DPH6: variants seen among roughly 807,000 people sequenced by gnomAD.
DPH6 encodes diphthine--ammonia ligase.
In DPH6, 33 loss-of-function variants were observed where a neutral mutation model predicts 38.2. The observed-to-expected ratio is 0.86, with a 90% CI of 0.65 to 1.15. DPH6 has a LOEUF of 1.15. Among genes scored for constraint, DPH6 ranks in the 50% most tolerant of loss-of-function variants. The pLI is 0.00. For missense variants in DPH6, 325 were observed against 320.0 expected (o/e 1.02, Z -0.12); for synonymous variants, 108 against 103.0 (o/e 1.05, Z -0.30).
At chr15:35,298,058 G>T (rs562975844) in intron 3 of DPH6, among the ~76,000 whole-genome samples, 15 of 150,548 alleles carry the variant, frequency 1.0e-4, no homozygotes, top group Non-Finnish European at 2.1e-4. Flanking sequence ...TGTTTTTTTT[G>T]TAAACGGATT....
intron 5 of DPH6, among the ~76,000 whole-genome samples, chr15:35,434,728 T>C (rs545074280): frequency 6.6e-6 from 1 of 152,266 alleles, no homozygotes; most frequent in East Asian, 1.9e-4. Context: ...TGAAAAAATA[T>C]ATAATTAAGA....
intron 3 of DPH6, among the ~76,000 whole-genome samples, chr15:35,256,570 C>T (rs1248167001): frequency 2.6e-5 from 4 of 152,156 alleles, no homozygotes; most frequent in African/African-American, 4.8e-5. Flanking sequence ...TGTAAATCAT[C>T]AGCAACAATC....
At chr15:35,357,052 G>A (rs535798365) in intron 3 of DPH6, among the ~76,000 whole-genome samples, 10 of 152,290 alleles carry the variant, frequency 6.6e-5, no homozygotes, top group Non-Finnish European at 1.3e-4. Flanking sequence ...AGCAATGAGC[G>A]AGGCTCCGTG....
chr15:35,411,893 C>A (rs2053371460), intron 5 of DPH6, among the ~76,000 whole-genome samples: 1 of 151,422 alleles, frequency 6.6e-6, no homozygotes, highest in African/African-American at 2.4e-5. Flanking sequence ...AGGCAAAATG[C>A]AAAATTATAA....
intron 3 of DPH6, among the ~76,000 whole-genome samples, chr15:35,291,502 T>C (rs2051980259): frequency 6.6e-6 from 1 of 152,188 alleles, no homozygotes; most frequent in Admixed American, 6.5e-5. Context: ...CATCACACTC[T>C]TGTCTTTATG....
the DPH6 span, among the ~76,000 whole-genome samples, chr15:35,159,106 T>C: frequency 6.6e-6 from 1 of 152,086 alleles, no homozygotes; most frequent in Admixed American, 6.6e-5. Context: ...TTCCCCAAAT[T>C]CCGACATTTC....
intron 3 of DPH6, among the ~76,000 whole-genome samples, chr15:35,288,877 C>T (rs1180774255): frequency 6.6e-6 from 1 of 152,146 alleles, no homozygotes; most frequent in Non-Finnish European, 1.5e-5. Flanking sequence ...TTCTGCCAGG[C>T]AACTGCTCTT....
At chr15:35,518,155 C>T (rs1024622006) in intron 3 of DPH6, among the ~76,000 whole-genome samples, 8 of 151,982 alleles carry the variant, frequency 5.3e-5, no homozygotes, top group African/African-American at 1.9e-4. Context: ...GAATTAGGCA[C>T]TATGAATTCA....
At chr15:35,372,510 T>G (rs957688367) in intron 8 of DPH6, 1 of 213,710 alleles carries the variant, frequency 4.7e-6, no homozygotes. Context: ...AAACTACAAG[T>G]TAGGGGTTCA....
chr15:35,185,322 C>T, the DPH6 span, among the ~76,000 whole-genome samples: 2 of 152,086 alleles, frequency 1.3e-5, no homozygotes, highest in African/African-American at 4.8e-5. Context: ...CACAATTTTG[C>T]TAACTGATCA....
In DPH6 at chr15:35,311,558, C is replaced by T. The variant is rs111942416; in HGVS notation, n.200+61963G>A. 7.5e-3 allele frequency among the ~76,000 whole-genome samples: 1,144 copies of T among 152,104 alleles called. 18 individuals carry two copies. The highest frequency in any genetic ancestry group is 0.026 in the African/African-American group (1,089 of 41,484). On this transcript the variant is annotated intron_variant and non_coding_transcript_variant, in intron 3 of 3. Coordinates refer to the DPH6 transcript ENST00000560386. ...CTATTAATCCAAGTTTAGAAATTTA[C>T]GTTCAATGCTTTGGGACAAGAAAGA...
chr15:35,180,111 G>T, the DPH6 span, among the ~76,000 whole-genome samples: 1 of 151,982 alleles, frequency 6.6e-6, no homozygotes, highest in African/African-American at 2.4e-5. Context: ...AGCTTAAATA[G>T]AGAGAGAAGG....
chr15:35,402,671 A>T (rs983353446), intron 6 of DPH6, among the ~76,000 whole-genome samples: 2 of 152,136 alleles, frequency 1.3e-5, no homozygotes, highest in Non-Finnish European at 2.9e-5. Flanking sequence ...ATTATAATTT[A>T]AAAATTCTAC....
intron 3 of DPH6, among the ~76,000 whole-genome samples, chr15:35,479,712 T>TAGG (rs2054304211): frequency 1.3e-5 from 2 of 152,084 alleles, no homozygotes; most frequent in Admixed American, 6.6e-5. Context: ...TGTTAATGCC[T>TAGG]GCTCCCTTTG....
At chr15:35,190,255 C>T in the DPH6 span, among the ~76,000 whole-genome samples, 1 of 152,196 alleles carries the variant, frequency 6.6e-6, no homozygotes, top group Admixed American at 6.5e-5. Flanking sequence ...GCCGATTTAT[C>T]AAGACAGAGG....
intron 3 of DPH6, among the ~76,000 whole-genome samples, chr15:35,301,954 G>A (rs1456153468): frequency 6.6e-6 from 1 of 151,964 alleles, no homozygotes; most frequent in Non-Finnish European, 1.5e-5. Flanking sequence ...AGCCTGGGCG[G>A]CAGAGTGAGA....
At chr15:35,440,975 C>A (rs2053779840) in intron 5 of DPH6, among the ~76,000 whole-genome samples, 1 of 151,956 alleles carries the variant, frequency 6.6e-6, no homozygotes, top group Non-Finnish European at 1.5e-5. Flanking sequence ...AACAAACAAC[C>A]CAATCAAAAA....
chr15:35,444,463 G>A (rs1224272427), intron 5 of DPH6, among the ~76,000 whole-genome samples: 2 of 152,100 alleles, frequency 1.3e-5, no homozygotes, highest in Non-Finnish European at 2.9e-5. Flanking sequence ...TTCCATAAGT[G>A]GGCATCCTTA....
intron 3 of DPH6, among the ~76,000 whole-genome samples, chr15:35,529,522 A>C (rs1053086048): frequency 6.6e-6 from 1 of 152,142 alleles, no homozygotes; most frequent in Non-Finnish European, 1.5e-5. Flanking sequence ...TAACTTGCCC[A>C]TAACGCCCTT....
Sources: gnomAD v4.1 joint callset for allele counts (sites outside exome capture counted in the v4.1 genomes callset) on GRCh38, gnomAD v4.1.1 for gene constraint, MANE v1.5 for transcripts, NCBI Gene and HGNC (gene_info 2026-07-23, HGNC 2026-07-21) for gene names.